Variants in KCNJ15 observed in about 807,000 individuals in gnomAD.
KCNJ15 encodes the protein potassium inwardly rectifying channel subfamily J member 15, also known as ATP-sensitive inward rectifier potassium channel 15.
KCNJ15 carries 14 observed loss-of-function variants against 23.0 expected under a neutral mutation model. That is an observed-to-expected ratio of 0.61 (90% CI 0.40 to 0.95). The LOEUF (loss-of-function observed/expected upper bound fraction) is 0.95. KCNJ15 is among the 40% of genes least tolerant of loss of function. The pLI, the probability that KCNJ15 is intolerant of heterozygous loss-of-function variation, is 0.00. For missense variants in KCNJ15, 388 were observed against 461.8 expected (o/e 0.84, Z 1.46); for synonymous variants, 185 against 183.2 (o/e 1.01, Z -0.08).
chr21:38,250,268 G>A (rs1438316830), intron 1 of KCNJ15, among the ~76,000 whole-genome samples: 1 of 152,198 alleles, frequency 6.6e-6, no homozygotes, highest in Admixed American at 6.5e-5. Flanking sequence ...ATGCCAGGTA[G>A]AAGGAGGGGT....
At chr21:38,254,346 C>A (rs1256426316), upstream of KCNJ15, among the ~76,000 whole-genome samples, 1 of 152,190 alleles carries the variant, frequency 6.6e-6, no homozygotes, top group Non-Finnish European at 1.5e-5. Context: ...TAATTGTTGA[C>A]ATATCACCAA....
intron 1 of KCNJ15, among the ~76,000 whole-genome samples, chr21:38,292,571 G>T (rs1029057393): frequency 6.6e-6 from 1 of 152,166 alleles, no homozygotes; most frequent in Admixed American, 6.5e-5. Context: ...GTTGTTCTTA[G>T]GGATAAGGCA....
chr21:38,305,173 A>G lies in KCNJ15; in HGVS notation c.*4784A>G, dbSNP rs1199104500. ...CAGACACTTCACTTCACTTAACCCTATGGCCCTCCTTATCTTGCACCCAAT... is the reference window on the plus strand; with the variant it reads ...CAGACACTTCACTTCACTTAACCCTGTGGCCCTCCTTATCTTGCACCCAAT... On this transcript the variant is annotated 3_prime_UTR_variant, in exon 3 of 3. Transcript: ENST00000398938. 6.6e-6 allele frequency: 1 copy of G among 152,004 alleles called. No individual in the cohort carries two copies. The highest frequency in any genetic ancestry group is 1.5e-5 in the Non-Finnish European group (1 of 68,008). 9.4% of individuals were successfully genotyped at this position (152,004 alleles called of 1,614,324 possible).
At chr21:38,286,246 C>CA (rs573663336) in intron 1 of KCNJ15, among the ~76,000 whole-genome samples, 152 of 151,950 alleles carry the variant, frequency 1.0e-3, no homozygotes, top group Middle Eastern at 6.8e-3. Context: ...CCGTCTCAAA[C>CA]AAAAAAACAA....
At chr21:38,247,461 A>T (rs149050882) in intron 1 of KCNJ15, among the ~76,000 whole-genome samples, 1 of 131,508 alleles carries the variant, frequency 7.6e-6, no homozygotes, top group Non-Finnish European at 1.6e-5. Context: ...TGTATGGATG[A>T]ATGGATGTAT....
Position 38,288,030 on chromosome 21 carries a change from G to GTTTTTTTTTTTT in KCNJ15, c.-116-8879_-116-8868dup, listed in dbSNP as rs71184612. Among the ~76,000 whole-genome samples the GTTTTTTTTTTTT allele has an allele frequency of 1.2e-3, 96 of 81,448 alleles. 4 individuals are homozygous for GTTTTTTTTTTTT. Among genetic ancestry groups the GTTTTTTTTTTTT allele is most frequent in the Middle Eastern group, 0.01 (1 of 98 alleles). 53.4% of individuals were successfully genotyped at this position (81,448 alleles called of 152,430 possible). On this transcript the variant is annotated intron_variant, in intron 1 of 2. Coordinates refer to ENST00000398938, the MANE Select transcript of KCNJ15 (RefSeq NM_170736.3). ...TGTTAAATAACTTGTTTTTTTCTTT[G>GTTTTTTTTTTTT]TTTTTTTTTTTTTTTTTTTTTTTTT...
In KCNJ15 at chr21:38,304,662, C is replaced by CTTTTTTTTTTTTTTTTTTTTT. The variant is rs543096995; in HGVS notation, c.*4284_*4304dup. 8 of 56,026 alleles carry CTTTTTTTTTTTTTTTTTTTTT rather than the reference C, an allele frequency of 1.4e-4. 3 individuals carry two copies. Among genetic ancestry groups the CTTTTTTTTTTTTTTTTTTTTT allele is most frequent in the Admixed American group, 8.7e-4 (3 of 3,464 alleles). 3.5% of individuals were successfully genotyped at this position (56,026 alleles called of 1,614,324 possible). On this transcript the variant is annotated 3_prime_UTR_variant, in exon 3 of 3. Coordinates refer to ENST00000398938, the MANE Select transcript of KCNJ15 (RefSeq NM_170736.3). ...TTACCCTTTGTAAACTTCAATTTAT[C>CTTTTTTTTTTTTTTTTTTTTT]TTTTTTTTTTTTTTTTTTTTTTTTT...
rs1985910044 is a variant in KCNJ15 at position 38,303,066 on chromosome 21, A to G, written c.*2677A>G. 6.6e-6 allele frequency: 1 copy of G among 152,154 alleles called. No homozygotes were observed. Among genetic ancestry groups the G allele is most frequent in the Non-Finnish European group, 1.5e-5 (1 of 68,028 alleles). The allele number at this position is 152,154 out of a possible 1,614,324, so 9.4% of individuals were successfully genotyped here. A position where few individuals can be genotyped will look rare whatever the true frequency, so the allele number is the denominator to read the frequency against. The stretch of plus-strand genomic sequence containing the variant: ...GTTTTTAAGAGTGTCTTAAAAACCA[A>G]TATATGTATAAGTCAACAAATCATA... On this transcript the variant is annotated 3_prime_UTR_variant, in exon 3 of 3. Coordinates refer to ENST00000398938, the MANE Select transcript of KCNJ15 (RefSeq NM_170736.3).
chr21:38,296,836 T>G (rs2236606), intron 1 of KCNJ15, 90 bp from the exon 2 acceptor site: 15,224 of 152,680 alleles, frequency 0.1, 2,163 homozygotes, highest in African/African-American at 0.32. Context: ...TAAATGCCAC[T>G]GCGTAACTCT....
chr21:38,259,772 G>A (rs926578094), intron 1 of KCNJ15, among the ~76,000 whole-genome samples: 3 of 152,176 alleles, frequency 2.0e-5, no homozygotes, highest in African/African-American at 7.2e-5. Flanking sequence ...CTAGAACAAA[G>A]TGAACCAAGG....
chr21:38,250,091 C>A (rs1979720189), intron 1 of KCNJ15, among the ~76,000 whole-genome samples: 1 of 152,186 alleles, frequency 6.6e-6, no homozygotes, highest in Non-Finnish European at 1.5e-5. Context: ...GTAACTTAGC[C>A]AATTCGCATT....
intron 1 of KCNJ15, 146 bp from the exon 2 acceptor site, chr21:38,296,780 C>A (rs929118493): frequency 6.5e-6 from 1 of 152,718 alleles, no homozygotes; most frequent in Non-Finnish European, 1.5e-5. Flanking sequence ...TTCCTTGAAC[C>A]TTTACCCTAT....
intron 1 of KCNJ15, among the ~76,000 whole-genome samples, chr21:38,288,018 G>GTTTTTTTTTTT (rs1395005811): frequency 3.8e-5 from 1 of 26,014 alleles, no homozygotes. Flanking sequence ...TAAATAACTT[G>GTTTTTTTTTTT]TTTTTTTCTT....
intron 2 of KCNJ15, chr21:38,298,279 A>G (rs1160667585): frequency 6.6e-6 from 1 of 152,184 alleles, no homozygotes. Flanking sequence ...AGCACTTCTT[A>G]TAGGTAGGTC....
At chr21:38,235,992 T>A (rs28506998) in intron 1 of KCNJ15, among the ~76,000 whole-genome samples, 21,695 of 152,282 alleles carry the variant, frequency 0.14, 2,018 homozygotes, top group East Asian at 0.38. Context: ...GTTTAGATTG[T>A]GTTAATATTT....
chr21:38,278,543 CAG>C, intron 1 of KCNJ15, among the ~76,000 whole-genome samples: 1 of 152,202 alleles, frequency 6.6e-6, no homozygotes, highest in Non-Finnish European at 1.5e-5. Context: ...ACAAGCAAAA[CAG>C]ATATCTCTAG....
chr21:38,251,308 T>G (rs1979816924), intron 1 of KCNJ15, among the ~76,000 whole-genome samples: 1 of 152,200 alleles, frequency 6.6e-6, no homozygotes, highest in Non-Finnish European at 1.5e-5. Context: ...GGTGTGTATT[T>G]AACATGTGGT....
At chr21:38,296,096 TGATA>T (rs759958030) in intron 1 of KCNJ15, among the ~76,000 whole-genome samples, 69 of 152,274 alleles carry the variant, frequency 4.5e-4, no homozygotes, top group African/African-American at 1.5e-3. Context: ...GATGGATGAT[TGATA>T]GATAGATACA....
At chr21:38,284,211 A>G (rs1422859602) in intron 1 of KCNJ15, among the ~76,000 whole-genome samples, 2 of 152,204 alleles carry the variant, frequency 1.3e-5, no homozygotes, top group Non-Finnish European at 2.9e-5. Context: ...CGTGAGCTCC[A>G]TGCTGGTATA....
Sources: allele counts gnomAD v4.1 joint callset (sites outside exome capture counted in the v4.1 genomes callset), GRCh38; gene constraint gnomAD v4.1.1; transcripts MANE v1.5; gene names NCBI Gene and HGNC (gene_info 2026-07-23, HGNC 2026-07-21).